The following STMN2 variants were observed in gnomAD, a reference collection of about 807,000 sequenced individuals.
STMN2 encodes stathmin-2.
In STMN2, 2 loss-of-function variants were observed where a neutral mutation model predicts 24.1. That is an observed-to-expected ratio of 0.08 (90% CI 0.03 to 0.26). STMN2 has a LOEUF of 0.26. Among genes scored for constraint, STMN2 ranks in the 10% least tolerant of loss-of-function variants. STMN2 has a pLI of 1.00. For synonymous variants in STMN2, 83 were observed against 77.5 expected (o/e 1.07, Z -0.37); for missense variants, 114 against 213.6 (o/e 0.53, Z 2.91).
intron 4 of STMN2, 123 bp from the exon 5 acceptor site, chr8:79,664,692 C>T: frequency 1.3e-6 from 1 of 781,422 alleles, no homozygotes. Flanking sequence ...TATTTTCCTT[C>T]TGAAATGGGA....
intron 1 of STMN2, chr8:79,611,707 G>C: frequency 1.0e-6 from 1 of 960,582 alleles, no homozygotes; most frequent in South Asian, 4.6e-5. Flanking sequence ...GGTGGAGACG[G>C]GGGGAGGGGA....
intron 1 of STMN2, among the ~76,000 whole-genome samples, chr8:79,615,969 A>G (rs1806257288): frequency 6.6e-6 from 1 of 152,254 alleles, no homozygotes; most frequent in Non-Finnish European, 1.5e-5. Context: ...TAGCAGCCGA[A>G]TATTTTAATG....
intron 3 of STMN2, among the ~76,000 whole-genome samples, chr8:79,645,697 A>C (rs1161727305): frequency 6.6e-6 from 1 of 152,208 alleles, no homozygotes; most frequent in African/African-American, 2.4e-5. Flanking sequence ...TACTGTAAGT[A>C]ATAGGATCTT....
chr8:79,642,955 G>T (rs1031088198), intron 3 of STMN2, among the ~76,000 whole-genome samples: 2 of 147,614 alleles, frequency 1.4e-5, no homozygotes, highest in South Asian at 4.2e-4. Flanking sequence ...GATATATATA[G>T]CTATCTCTAT....
intron 1 of STMN2, among the ~76,000 whole-genome samples, chr8:79,625,564 T>C (rs1372382170): frequency 6.6e-6 from 1 of 152,194 alleles, no homozygotes; most frequent in East Asian, 1.9e-4. Context: ...TTGATTATTA[T>C]GACAAAGTAA....
chr8:79,631,418 A>T, intron 1 of STMN2: 1 of 985,166 alleles, frequency 1.0e-6, no homozygotes, highest in East Asian at 1.1e-4. Flanking sequence ...AGAAAACCAA[A>T]TTTTTGTAGA....
chr8:79,658,456 C>T (rs1806425571), intron 4 of STMN2, among the ~76,000 whole-genome samples: 1 of 152,048 alleles, frequency 6.6e-6, no homozygotes, highest in African/African-American at 2.4e-5. Context: ...ACAGACAATA[C>T]AAAATTCAGC....
At chr8:79,653,309 A>G (rs547007575) in intron 3 of STMN2, among the ~76,000 whole-genome samples, 10 of 152,176 alleles carry the variant, frequency 6.6e-5, no homozygotes, top group Non-Finnish European at 1.5e-4. Flanking sequence ...CCTCAGAGGC[A>G]GAGATTACAG....
chr8:79,665,080 G>T lies in STMN2; in HGVS notation c.*206G>T. 2 of 373,664 alleles carry T rather than the reference G, an allele frequency of 5.4e-6. No individual in the cohort carries two copies. The highest frequency in any genetic ancestry group is 9.4e-6 in the Non-Finnish European group (2 of 213,422). 23.1% of individuals were successfully genotyped at this position (373,664 alleles called of 1,614,324 possible). A position where few individuals can be genotyped will look rare whatever the true frequency, so the allele number is the denominator to read the frequency against. ...TTGCTTGATGTTTAAAAAATACCTT[G>T]GATCTTATTTTGTAAATACTTACAT... is the stretch of plus-strand genomic sequence containing the variant. On this transcript the variant is annotated 3_prime_UTR_variant, in exon 5 of 5. Coordinates refer to ENST00000220876, the MANE Select transcript of STMN2 (RefSeq NM_007029.4).
chr8:79,663,572 CT>C (rs1806542482), intron 4 of STMN2: 1 of 1,512,276 alleles, frequency 6.6e-7, no homozygotes, highest in Non-Finnish European at 8.8e-7. Context: ...ATAAGTTTTA[CT>C]TTATAGCTGG....
chr8:79,663,006 C>T (rs955296258), intron 4 of STMN2, among the ~76,000 whole-genome samples: 1 of 152,048 alleles, frequency 6.6e-6, no homozygotes, highest in African/African-American at 2.4e-5. Context: ...CATTTCCAAA[C>T]AGGATTTGAT....
chr8:79,632,855 A>T (rs1270667824), intron 1 of STMN2, among the ~76,000 whole-genome samples: 3 of 152,228 alleles, frequency 2.0e-5, no homozygotes, highest in African/African-American at 7.2e-5. Context: ...CAAAATGATA[A>T]GTGTTAAAAT....
chr8:79,613,242 GC>G (rs1297349276), intron 1 of STMN2, among the ~76,000 whole-genome samples: 1 of 151,324 alleles, frequency 6.6e-6, no homozygotes, highest in Non-Finnish European at 1.5e-5. Context: ...CGCTCCTCCA[GC>G]GGGGCGCGGC....
At chr8:79,651,664 GT>G (rs1442733086) in intron 3 of STMN2, among the ~76,000 whole-genome samples, 4 of 152,336 alleles carry the variant, frequency 2.6e-5, no homozygotes, top group African/African-American at 9.6e-5. Flanking sequence ...ACTGAACAAA[GT>G]GCCAAACTTA....
At chr8:79,625,886 GA>G (rs1809641505) in intron 1 of STMN2, among the ~76,000 whole-genome samples, 1 of 152,166 alleles carries the variant, frequency 6.6e-6, no homozygotes, top group African/African-American at 2.4e-5. Context: ...TTGAACCCAG[GA>G]GGTGGAGGTT....
intron 1 of STMN2, among the ~76,000 whole-genome samples, chr8:79,625,908 G>A (rs1023040332): frequency 5.3e-5 from 8 of 152,084 alleles, no homozygotes; most frequent in African/African-American, 1.2e-4. Flanking sequence ...GCAGTGAGCC[G>A]AGATCATGCC....
chr8:79,657,341 T>A (rs147982916), intron 4 of STMN2, among the ~76,000 whole-genome samples: 2 of 152,240 alleles, frequency 1.3e-5, no homozygotes, highest in East Asian at 3.9e-4. Flanking sequence ...CTCTTTCCAC[T>A]CCCAACCAAA....
chr8:79,655,407 T>C (rs1401412626), intron 4 of STMN2, among the ~76,000 whole-genome samples: 1 of 152,132 alleles, frequency 6.6e-6, no homozygotes, highest in African/African-American at 2.4e-5. Context: ...TGTCTATATA[T>C]TATATTGATA....
intron 3 of STMN2, among the ~76,000 whole-genome samples, chr8:79,642,833 C>A (rs1393112445): frequency 6.6e-6 from 1 of 150,754 alleles, no homozygotes; most frequent in Non-Finnish European, 1.5e-5. Context: ...TCTCAATTTT[C>A]ACCTAAGAGT....
Sources: allele counts gnomAD v4.1 joint callset (sites outside exome capture counted in the v4.1 genomes callset), GRCh38; gene constraint gnomAD v4.1.1; transcripts MANE v1.5; gene names NCBI Gene and HGNC (gene_info 2026-07-23, HGNC 2026-07-21).